Variants in ARSG observed in about 807,000 individuals in gnomAD.
The protein encoded by ARSG is arylsulfatase G.
Under a neutral mutation model 50.5 loss-of-function variants are expected in ARSG, and 37 were observed. The ratio of observed to expected loss-of-function variants is 0.73; its 90% CI spans 0.56 to 0.96. The LOEUF (loss-of-function observed/expected upper bound fraction) is 0.96, where lower values mean the gene tolerates loss of function less well. ARSG is among the 50% of genes least tolerant of loss of function. The pLI, the probability that ARSG is intolerant of heterozygous loss-of-function variation, is 0.00. For missense variants in ARSG, 629 were observed against 675.3 expected (o/e 0.93, Z 0.76); for synonymous variants, 225 against 254.6 (o/e 0.88, Z 1.11).
chr17:68,345,395 GGGGCT>G (rs1414443092), intron 3 of ARSG, among the ~76,000 whole-genome samples: 1 of 152,210 alleles, frequency 6.6e-6, no homozygotes, highest in Non-Finnish European at 1.5e-5. Context: ...CTGCAGAAGT[GGGGCT>G]GGCTTCTTCT....
intron 6 of ARSG, among the ~76,000 whole-genome samples, chr17:68,363,627 C>T (rs370300599): frequency 6.6e-6 from 1 of 152,014 alleles, no homozygotes; most frequent in South Asian, 2.1e-4. Flanking sequence ...ACCACCATGC[C>T]CAGCTAATTT....
chr17:68,403,585 G>C (rs2081573991), intron 11 of ARSG, among the ~76,000 whole-genome samples: 1 of 152,228 alleles, frequency 6.6e-6, no homozygotes, highest in South Asian at 2.1e-4. Flanking sequence ...CATTAGATTA[G>C]AGAAAGATGT....
At chr17:68,296,486 C>CG (rs1406296737) in intron 1 of ARSG, among the ~76,000 whole-genome samples, 1 of 152,134 alleles carries the variant, frequency 6.6e-6, no homozygotes, top group African/African-American at 2.4e-5. Flanking sequence ...GGCTAGGGGA[C>CG]GATGCGAAGA....
intron 1 of ARSG, among the ~76,000 whole-genome samples, chr17:68,281,385 A>G (rs1335656453): frequency 6.6e-6 from 1 of 151,872 alleles, no homozygotes; most frequent in Admixed American, 6.6e-5. Flanking sequence ...TGGCCAACAT[A>G]GTGAAATCCC....
intron 1 of ARSG, chr17:68,272,839 TC>T: frequency 6.3e-7 from 1 of 1,582,082 alleles, no homozygotes; most frequent in Non-Finnish European, 8.6e-7. Flanking sequence ...CATTAAAAGA[TC>T]TGGGATTTTT....
At chr17:68,425,855 C>A, downstream of ARSG, 1 of 514,552 alleles carries the variant, frequency 1.9e-6, no homozygotes, top group Non-Finnish European at 3.5e-6. Context: ...TATTCGGTGA[C>A]TCTAATGCCA....
chr17:68,309,710 G>A (rs540053333), intron 2 of ARSG, among the ~76,000 whole-genome samples: 4 of 151,918 alleles, frequency 2.6e-5, no homozygotes, highest in African/African-American at 9.6e-5. Flanking sequence ...AATACAAAAT[G>A]TAGCCGGGCG....
chr17:68,317,465 GT>G (rs782252934), intron 2 of ARSG, among the ~76,000 whole-genome samples: 166 of 140,458 alleles, frequency 1.2e-3, no homozygotes, highest in Middle Eastern at 3.7e-3. Context: ...GAACTGTTTT[GT>G]TTTTTTTTTT....
At chr17:68,430,707 T>C in the ARSG span, among the ~76,000 whole-genome samples, 69 of 152,304 alleles carry the variant, frequency 4.5e-4, no homozygotes, top group African/African-American at 1.5e-3. Context: ...ACCTGGGATG[T>C]CGCCTACAGT....
At chr17:68,308,948 C>T (rs2076725468) in intron 2 of ARSG, among the ~76,000 whole-genome samples, 6 of 152,228 alleles carry the variant, frequency 3.9e-5, no homozygotes, top group East Asian at 3.9e-4. Flanking sequence ...TGGGACTGGG[C>T]GCTGTGGAGC....
chr17:68,351,608 A>C lies in ARSG; in HGVS notation c.488A>C (p.His163Pro). Reference sequence around the variant, plus strand: ...TACTACTTTGGAATCCCATATAGCCATGATATGGGCTGTACTGATACTCCA... The same window carrying C: ...TACTACTTTGGAATCCCATATAGCCCTGATATGGGCTGTACTGATACTCCA... ...FDYYFGIPYS[H>P]DMGCTDTPGY... Residue 163 changes from histidine (H) to proline (P), a missense_variant, in exon 5 of 12, where the codon CAT (histidine) becomes CCT (proline). His to Pro is a moderately conservative substitution (Grantham distance 77). Transcript: ENST00000621439. 4 of 1,612,708 alleles carry C rather than the reference A, an allele frequency of 2.5e-6. No individual in the cohort carries two copies. Among genetic ancestry groups the C allele is most frequent in the Non-Finnish European group, 3.4e-6 (4 of 1,178,706 alleles).
chr17:68,368,585 G>T lies in ARSG; in HGVS notation c.742G>T (p.Ala248Ser), dbSNP rs1430648129. 2 of 1,613,976 alleles carry T rather than the reference G, an allele frequency of 1.2e-6. No individual in the cohort carries two copies. Among genetic ancestry groups the T allele is most frequent in the Admixed American group, 1.7e-5 (1 of 60,000 alleles). The stretch of plus-strand genomic sequence containing the variant: ...GCCCTTCCTGCTCTATGTGGCTCTG[G>T]CCCACATGCACGTGCCCTTACCTGT... ...GRPFLLYVAL[A>S]HMHVPLPVTQ... The change falls in exon 7 of 12, where the codon GCC becomes TCC. Residue 248 changes from alanine (A) to serine (S), a missense_variant. By Grantham distance (99) the Ala-to-Ser change is moderately conservative (BLOSUM62 1). Transcript: ENST00000621439.
chr17:68,388,655 A>G (rs1449384886), intron 9 of ARSG, among the ~76,000 whole-genome samples: 2 of 152,144 alleles, frequency 1.3e-5, no homozygotes, highest in Non-Finnish European at 2.9e-5. Context: ...GGCCGGACGC[A>G]GTGGCTCACG....
chr17:68,424,143 T>G (rs1237746483), downstream of ARSG, among the ~76,000 whole-genome samples: 8 of 152,208 alleles, frequency 5.3e-5, no homozygotes, highest in Admixed American at 5.2e-4. Flanking sequence ...GGTTTATAGT[T>G]AGGCAGCATG....
chr17:68,429,222 AC>A, the ARSG span, among the ~76,000 whole-genome samples: 12 of 152,204 alleles, frequency 7.9e-5, no homozygotes, highest in African/African-American at 2.9e-4. Context: ...TTAGCTCCCT[AC>A]ATGGGACGCA....
intron 1 of ARSG, chr17:68,274,014 C>G (rs147731514): frequency 1.1e-5 from 18 of 1,614,026 alleles, no homozygotes; most frequent in African/African-American, 2.7e-5. Flanking sequence ...AGTAGCCCCC[C>G]CAACATCACT....
At chr17:68,406,500 CA>C (rs1460454463) in intron 11 of ARSG, among the ~76,000 whole-genome samples, 10 of 152,200 alleles carry the variant, frequency 6.6e-5, no homozygotes, top group Non-Finnish European at 1.3e-4. Flanking sequence ...TTCCCATCAG[CA>C]GTGTAGAAGT....
intron 8 of ARSG, among the ~76,000 whole-genome samples, chr17:68,382,158 G>A (rs149912752): frequency 7.0e-4 from 107 of 152,116 alleles, no homozygotes; most frequent in African/African-American, 2.5e-3. Flanking sequence ...ACCATGTTAG[G>A]CTGGTCTCGA....
At chr17:68,272,627 T>G in intron 1 of ARSG, 1 of 1,613,298 alleles carries the variant, frequency 6.2e-7, no homozygotes, top group Non-Finnish European at 8.5e-7. Context: ...TAGGCTGTTG[T>G]AGTCCACCTA....
Sources: allele counts gnomAD v4.1 joint callset (sites outside exome capture counted in the v4.1 genomes callset), GRCh38; gene constraint gnomAD v4.1.1; transcripts MANE v1.5; gene names NCBI Gene and HGNC (gene_info 2026-07-23, HGNC 2026-07-21).